Variants in ZDHHC3 observed in about 807,000 individuals in gnomAD.
ZDHHC3 encodes zDHHC palmitoyltransferase 3, also known as palmitoyltransferase ZDHHC3.
ZDHHC3 carries 9 observed loss-of-function variants against 30.6 expected under a neutral mutation model. The observed-to-expected ratio is 0.29, with a 90% CI of 0.18 to 0.51. The LOEUF is 0.51. ZDHHC3 is among the 20% of genes least tolerant of loss of function. The pLI, the probability that ZDHHC3 is intolerant of heterozygous loss-of-function variation, is 0.97. For synonymous variants in ZDHHC3, 136 were observed against 140.2 expected (o/e 0.97, Z 0.21); for missense variants, 246 against 384.2 (o/e 0.64, Z 3.01).
chr3:44,970,918 C>T (rs1705352688), intron 1 of ZDHHC3, among the ~76,000 whole-genome samples: 1 of 152,196 alleles, frequency 6.6e-6, no homozygotes, highest in South Asian at 2.1e-4. Context: ...TGGCAAGATA[C>T]TCACTTGAGG....
At chr3:44,952,390 T>C (rs1282690640) in intron 2 of ZDHHC3, among the ~76,000 whole-genome samples, 1 of 152,206 alleles carries the variant, frequency 6.6e-6, no homozygotes, top group Non-Finnish European at 1.5e-5. Context: ...CAGGTCTTCC[T>C]GCCTCTAGTC....
chr3:44,959,478 G>C lies in ZDHHC3; in HGVS notation c.-24-18C>G. On this transcript the variant is annotated intron_variant, in intron 1 of 6. Coordinates refer to ENST00000424952, the MANE Select transcript of ZDHHC3 (RefSeq NM_001135179.2). This position sits in a 1 kb window ranked among gnomAD's most constrained non-coding sequence, Gnocchi z 4.3. ...ACTGGCATCTGAAAGAGAGAGGAAA[G>C]AATCCAGAAACTTGGTGTTGTCTTG... The C allele has an allele frequency of 6.3e-7, 1 of 1,582,176 alleles. No homozygotes were observed. Among genetic ancestry groups the C allele is most frequent in the Non-Finnish European group, 8.6e-7 (1 of 1,160,628 alleles).
At position 44,968,775 on chromosome 3, in the gene ZDHHC3, G is replaced by C. The variant is rs146586102; in HGVS notation, c.-25+7158C>G. Among the ~76,000 whole-genome samples the C allele has an allele frequency of 1.1e-3, 174 of 152,272 alleles. 1 individual carries two copies. Among genetic ancestry groups the C allele is most frequent in the Admixed American group, 9.3e-3 (143 of 15,302 alleles). On this transcript the variant is annotated intron_variant, in intron 1 of 6. Coordinates refer to ENST00000424952, the MANE Select transcript of ZDHHC3 (RefSeq NM_001135179.2). ...TTCTGGCACCTGTCTCATTAATGGA[G>C]CATGACACTCATTGGGTTACCTCAA...
intron 3 of ZDHHC3, among the ~76,000 whole-genome samples, chr3:44,943,342 A>T (rs748246089): frequency 1.1e-4 from 16 of 152,118 alleles, no homozygotes; most frequent in Non-Finnish European, 2.4e-4. Context: ...TAATTTCTTT[A>T]TCTAGGGAGG....
rs142704157 is a variant in ZDHHC3, at chr3:44,959,137, C to T, written c.300G>A (p.Thr100=). The change falls in exon 2 of 7, where the codon ACG becomes ACA. Residue 100 remains threonine, a synonymous_variant. Transcript: ENST00000424952. This position sits in a 1 kb window ranked among gnomAD's most constrained non-coding sequence, Gnocchi z 4.3. ...CAAGCCCAGACATACTCACGGGGTC[C>T]GTCAGCATGGCCCGGCAGTGGGAGG... ...ALASHCRAML[T]DPGAVPKGNA... The T allele has an allele frequency of 5.6e-5, 90 of 1,614,146 alleles. No homozygotes were observed. The highest frequency in any genetic ancestry group is 2.0e-4 in the African/African-American group (15 of 75,060).
intron 2 of ZDHHC3, among the ~76,000 whole-genome samples, chr3:44,957,028 T>C (rs1433580521): frequency 5.3e-5 from 8 of 152,160 alleles, no homozygotes; most frequent in African/African-American, 1.9e-4. Flanking sequence ...CTCTGGGCCT[T>C]TGAATCTACT....
chr3:44,932,891 C>T, intron 5 of ZDHHC3: 1 of 1,613,846 alleles, frequency 6.2e-7, no homozygotes, highest in East Asian at 2.2e-5. Context: ...TCTGTCTGTC[C>T]AACTCATGAC....
At chr3:44,929,200 T>C in intron 6 of ZDHHC3, 106 bp downstream of exon 6, 2 of 1,445,322 alleles carry the variant, frequency 1.4e-6, no homozygotes, top group Non-Finnish European at 1.9e-6. Context: ...ACCAGGGGCC[T>C]GACCACTGGG....
Position 44,922,977 on chromosome 3 carries a change from A to T in ZDHHC3, c.*3712T>A. On this transcript the variant is annotated 3_prime_UTR_variant, in exon 7 of 7. Coordinates refer to ENST00000424952, the MANE Select transcript of ZDHHC3 (RefSeq NM_001135179.2). ...CTGATGCACTGCAAGTCTTGAAAAG[A>T]GAGAAATTTAAAACCCATTAGCCTG... 1 of 985,380 alleles carries T rather than the reference A, an allele frequency of 1.0e-6. No individual in the cohort carries two copies. Among genetic ancestry groups the T allele is most frequent in the Non-Finnish European group, 1.2e-6 (1 of 829,936 alleles). The allele number at this position is 985,380 out of a possible 1,614,324, so 61.0% of individuals were successfully genotyped here. A position where few individuals can be genotyped will look rare whatever the true frequency, so the allele number is the denominator to read the frequency against.
chr3:44,927,023 T>C (rs957940691), intron 6 of ZDHHC3, among the ~76,000 whole-genome samples, 176 bp from the exon 7 acceptor site: 1 of 152,206 alleles, frequency 6.6e-6, no homozygotes, highest in Admixed American at 6.5e-5. Context: ...CTCCTTTTTT[T>C]GGTGGGCACT....
rs1387352158 is a variant in ZDHHC3 at position 44,922,529 on chromosome 3, C to G, written c.*4160G>C. 1 of 985,318 alleles carries G rather than the reference C, an allele frequency of 1.0e-6. No individual in the cohort carries two copies. Among genetic ancestry groups the G allele is most frequent in the African/African-American group, 1.7e-5 (1 of 57,248 alleles). 61.0% of individuals were successfully genotyped at this position (985,318 alleles called of 1,614,324 possible). A position where few individuals can be genotyped will look rare whatever the true frequency, so the allele number is the denominator to read the frequency against. On this transcript the variant is annotated 3_prime_UTR_variant, in exon 7 of 7. Transcript: ENST00000424952. ...TTATGAGGGAAGGCAGTCTCAGTGG[C>G]TTCTCCGCGGAGGGAACACGTGCCT...
At chr3:44,975,469 A>C (rs1705841881) in intron 1 of ZDHHC3, 1 of 152,122 alleles carries the variant, frequency 6.6e-6, no homozygotes, top group Non-Finnish European at 1.5e-5. Context: ...CTGTGGGACA[A>C]CGCTCTGGTA....
chr3:44,972,927 T>C (rs1705523803), intron 1 of ZDHHC3, among the ~76,000 whole-genome samples: 1 of 152,216 alleles, frequency 6.6e-6, no homozygotes, highest in Non-Finnish European at 1.5e-5. Flanking sequence ...TGCATGCTAC[T>C]CAACCCTAGT....
In ZDHHC3 at chr3:44,925,988, A is replaced by T; in HGVS notation, c.*701T>A. On this transcript the variant is annotated 3_prime_UTR_variant, in exon 7 of 7. Coordinates refer to ENST00000424952, the MANE Select transcript of ZDHHC3 (RefSeq NM_001135179.2). The stretch of plus-strand genomic sequence containing the variant: ...AAACGTCTTTCCTACACACTCTTCC[A>T]AATAATCACAGGGAATATAATTGCT... The T allele has an allele frequency of 1.0e-6, 1 of 985,910 alleles. No individual in the cohort carries two copies. The highest frequency in any genetic ancestry group is 4.7e-5 in the South Asian group (1 of 21,292). 61.1% of individuals were successfully genotyped at this position (985,910 alleles called of 1,614,324 possible).
At chr3:44,943,254 G>A (rs1490667844) in intron 3 of ZDHHC3, among the ~76,000 whole-genome samples, 2 of 152,218 alleles carry the variant, frequency 1.3e-5, no homozygotes, top group East Asian at 1.9e-4. Flanking sequence ...TGGACCTGGA[G>A]CCAGAACTGC....
At chr3:44,927,357 AG>A (rs1178918054) in intron 6 of ZDHHC3, among the ~76,000 whole-genome samples, 1 of 152,254 alleles carries the variant, frequency 6.6e-6, no homozygotes, top group Non-Finnish European at 1.5e-5. Context: ...ACAAAAAAAA[AG>A]TAACAAATCA....
chr3:44,922,878 C>A lies in ZDHHC3; in HGVS notation c.*3811G>T. 3 of 985,252 alleles carry A rather than the reference C, an allele frequency of 3.0e-6. No homozygotes were observed. Among genetic ancestry groups the A allele is most frequent in the Non-Finnish European group, 3.6e-6 (3 of 829,906 alleles). 61.0% of individuals were successfully genotyped at this position (985,252 alleles called of 1,614,324 possible). A position where few individuals can be genotyped will look rare whatever the true frequency, so the allele number is the denominator to read the frequency against. ...GATTCTAGCAAAATCTTTCTCTTTT[C>A]ACATTTCTTTGATATCTAAGGGCAC... On this transcript the variant is annotated 3_prime_UTR_variant, in exon 7 of 7. Coordinates refer to ENST00000424952, the MANE Select transcript of ZDHHC3 (RefSeq NM_001135179.2).
At chr3:44,927,088 G>C (rs1701053666) in intron 6 of ZDHHC3, among the ~76,000 whole-genome samples, 1 of 152,202 alleles carries the variant, frequency 6.6e-6, no homozygotes, top group South Asian at 2.1e-4. Context: ...CAGCAGCGCA[G>C]AAACTGCTGC....
intron 2 of ZDHHC3, among the ~76,000 whole-genome samples, chr3:44,956,445 T>C (rs1703964056): frequency 6.6e-6 from 1 of 152,206 alleles, no homozygotes; most frequent in Admixed American, 6.5e-5. Context: ...CTGGAAGGTA[T>C]ACTCTCCAAT....
Sources: gnomAD v4.1 joint callset for allele counts (sites outside exome capture counted in the v4.1 genomes callset) on GRCh38, gnomAD v4.1.1 for gene constraint, Gnocchi (gnomAD v3.1) non-coding constraint, MANE v1.5 for transcripts, NCBI Gene and HGNC (gene_info 2026-07-23, HGNC 2026-07-21) for gene names.